AGO1: variants seen among roughly 807,000 people sequenced by gnomAD.
AGO1 encodes argonaute RISC component 1.
AGO1 carries 11 observed loss-of-function variants against 109.2 expected under a neutral mutation model. That is an observed-to-expected ratio of 0.10 (90% CI 0.06 to 0.17). The LOEUF (loss-of-function observed/expected upper bound fraction) is 0.17, where lower values mean the gene tolerates loss of function less well. AGO1 is among the 10% of genes least tolerant of loss of function. The pLI is 1.00. For synonymous variants in AGO1, 422 were observed against 418.6 expected (o/e 1.01, Z -0.10); for missense variants, 574 against 1,140.3 (o/e 0.50, Z 7.15).
upstream of AGO1, among the ~76,000 whole-genome samples, chr1:35,881,084 C>T (rs1279172255): frequency 6.6e-6 from 1 of 152,252 alleles, no homozygotes; most frequent in Non-Finnish European, 1.5e-5. Flanking sequence ...AATGTGCCTA[C>T]TATTACATGT....
intron 3 of AGO1, 91 bp downstream of exon 3, chr1:35,892,768 C>A: frequency 2.0e-6 from 3 of 1,530,470 alleles, no homozygotes; most frequent in Non-Finnish European, 2.7e-6. Context: ...AGATCCTTTT[C>A]ATCTTTTGTG....
chr1:35,893,379 A>G lies in AGO1; in HGVS notation c.512+101A>G. The G allele has an allele frequency of 3.0e-6, 4 of 1,332,392 alleles. No individual in the cohort carries two copies. The highest frequency in any genetic ancestry group is 4.1e-6 in the Non-Finnish European group (4 of 979,604). The allele number at this position is 1,332,392 out of a possible 1,614,324, so 82.5% of individuals were successfully genotyped here. A position where few individuals can be genotyped will look rare whatever the true frequency, so the allele number is the denominator to read the frequency against. On this transcript the variant is annotated intron_variant, in intron 4 of 18. Coordinates refer to ENST00000373204, the MANE Select transcript of AGO1 (RefSeq NM_012199.5). The surrounding 1 kb of genome is among the most constrained non-coding windows in gnomAD (Gnocchi z 5.6). ...AAGGTCCCACAGAGTGCCATTAAAA[A>G]AAAAAATTATTTGAAGCCCTACCAC...
Position 35,915,938 on chromosome 1 carries a change from G to A in AGO1, c.2028+396G>A, listed in dbSNP as rs188457145. 1.2e-4 allele frequency among the ~76,000 whole-genome samples: 18 copies of A among 152,276 alleles called. No homozygotes were observed. The East Asian group carries it at 3.3e-3, about 28-fold the overall frequency. ...TTACAATACTGACAAGTTCTTAGGC[G>A]ATGCTGATAGTCTGGAGACTACATT... On this transcript the variant is annotated intron_variant, in intron 15 of 18. Transcript: ENST00000373204.
intron 12 of AGO1, among the ~76,000 whole-genome samples, chr1:35,913,405 C>A (rs981139731): frequency 6.6e-6 from 1 of 152,204 alleles, no homozygotes; most frequent in Non-Finnish European, 1.5e-5. Flanking sequence ...ACATGCTCCC[C>A]TTGCTCTTCT....
rs1449108893 is a variant in AGO1 at position 35,888,003 on chromosome 1, A to G, written c.26-424A>G. On this transcript the variant is annotated intron_variant, in intron 1 of 18. Coordinates refer to ENST00000373204, the MANE Select transcript of AGO1 (RefSeq NM_012199.5). The surrounding 1 kb of genome is among the most constrained non-coding windows in gnomAD (Gnocchi z 4.1). ...GAACATCAAGGTTATGCCATTTTGT[A>G]TTCAGCATGGTGGCGAATGGAGTGA... 6.6e-6 allele frequency among the ~76,000 whole-genome samples: 1 copy of G among 152,136 alleles called. No individual in the cohort carries two copies. The highest frequency in any genetic ancestry group is 2.4e-5 in the African/African-American group (1 of 41,432).
chr1:35,893,683 T>C lies in AGO1; in HGVS notation c.522T>C (p.Pro174=), dbSNP rs1339623786. ...MRHLASMRYT[P]VGRSFFSPPE... is the part of the protein sequence containing the mutation. ...TGCCTGTCCCTGCCAGGTACACCCC[T>C]GTGGGCCGCTCCTTCTTCTCACCGC... Residue 174 remains proline, a synonymous_variant, in exon 5 of 19, where the codon CCT becomes CCC. Coordinates refer to ENST00000373204, the MANE Select transcript of AGO1 (RefSeq NM_012199.5). This position sits in a 1 kb window ranked among gnomAD's most constrained non-coding sequence, Gnocchi z 5.6. 4 of 1,612,800 alleles carry C rather than the reference T, an allele frequency of 2.5e-6. No homozygotes were observed. In the Admixed American group the frequency reaches 6.7e-5, roughly 27 times the overall value.
In AGO1 at chr1:35,919,678, C is replaced by A; in HGVS notation, c.*71C>A. 1 of 1,446,806 alleles carries A rather than the reference C, an allele frequency of 6.9e-7. No homozygotes were observed. Among genetic ancestry groups the A allele is most frequent in the Non-Finnish European group, 9.5e-7 (1 of 1,053,742 alleles). 89.6% of individuals were successfully genotyped at this position (1,446,806 alleles called of 1,614,324 possible). A position where few individuals can be genotyped will look rare whatever the true frequency, so the allele number is the denominator to read the frequency against. ...CCCCAGGAGCTGTGCCACCCAAATC[C>A]AGAGGAAGCAAGGAGGAGGGAGGTG... On this transcript the variant is annotated 3_prime_UTR_variant, in exon 19 of 19. Transcript: ENST00000373204. The surrounding 1 kb of genome is among the most constrained non-coding windows in gnomAD (Gnocchi z 6.6).
chr1:35,902,881 G>A (rs1645444484), intron 11 of AGO1, among the ~76,000 whole-genome samples: 2 of 152,138 alleles, frequency 1.3e-5, no homozygotes, highest in African/African-American at 4.8e-5. Flanking sequence ...GGTTGTCAGG[G>A]CCTCTGTGCC....
intron 16 of AGO1, among the ~76,000 whole-genome samples, chr1:35,918,073 A>G (rs1296510674): frequency 6.6e-6 from 1 of 152,170 alleles, no homozygotes; most frequent in Non-Finnish European, 1.5e-5. Context: ...CCTGTGAGGT[A>G]CGTATTATTA....
rs1037409376 is a variant in AGO1, at chr1:35,929,042, T to C, written c.*9435T>C. ...ATCCAACAAATATACTGAATGCTGC[T>C]ATGTGCCAGGTACTGGCACTGTTCT... On this transcript the variant is annotated 3_prime_UTR_variant, in exon 19 of 19. Transcript: ENST00000373204. The C allele has an allele frequency of 2.0e-5, 3 of 152,278 alleles. No individual in the cohort carries two copies. The highest frequency in any genetic ancestry group is 7.2e-5 in the African/African-American group (3 of 41,474). 9.4% of individuals were successfully genotyped at this position (152,278 alleles called of 1,614,324 possible). A position where few individuals can be genotyped will look rare whatever the true frequency, so the allele number is the denominator to read the frequency against.
At chr1:35,918,853 G>A (rs936933567) in intron 17 of AGO1, among the ~76,000 whole-genome samples, 1 of 152,188 alleles carries the variant, frequency 6.6e-6, no homozygotes, top group African/African-American at 2.4e-5. Flanking sequence ...ACTGTGCCCG[G>A]CCAGGACTGC....
At position 35,894,119 on chromosome 1, in the gene AGO1, G is replaced by A; in HGVS notation, c.732G>A (p.Gln244=). Residue 244 remains glutamine, a synonymous_variant, in exon 6 of 19, where the codon CAG becomes CAA. Transcript: ENST00000373204. ...EVLDIRNIDE[Q]PKPLTDSQRV... is the part of the protein sequence containing the mutation. ...TGGACATCAGGAACATAGATGAGCA[G>A]CCCAAGCCCCTCACGGACTCTCAGC... The A allele has an allele frequency of 1.3e-6, 2 of 1,590,050 alleles. No individual in the cohort carries two copies. Among genetic ancestry groups the A allele is most frequent in the Non-Finnish European group, 1.7e-6 (2 of 1,168,566 alleles).
chr1:35,880,389 A>G (rs1387176822), upstream of AGO1, among the ~76,000 whole-genome samples: 3 of 152,086 alleles, frequency 2.0e-5, no homozygotes, highest in Non-Finnish European at 2.9e-5. Context: ...CATCTCTACA[A>G]TAAGTAAGTA....
In AGO1 at chr1:35,919,880, C is replaced by T. The variant is rs181957464; in HGVS notation, c.*273C>T. ...GACCCCACTGGACCAAAAGGGGCAG[C>T]ACTGGTGCCCACCATACACACAGGT... is the stretch of plus-strand genomic sequence containing the variant. On this transcript the variant is annotated 3_prime_UTR_variant, in exon 19 of 19. Transcript: ENST00000373204. This position sits in a 1 kb window ranked among gnomAD's most constrained non-coding sequence, Gnocchi z 6.6. 5.5e-5 allele frequency: 24 copies of T among 433,028 alleles called. No homozygotes were observed. Among genetic ancestry groups the T allele is most frequent in the African/African-American group, 4.5e-4 (23 of 50,856 alleles). 26.8% of individuals were successfully genotyped at this position (433,028 alleles called of 1,614,324 possible). A position where few individuals can be genotyped will look rare whatever the true frequency, so the allele number is the denominator to read the frequency against.
Position 35,901,805 on chromosome 1 carries a change from C to A in AGO1, c.1141-143C>A. On this transcript the variant is annotated intron_variant, in intron 9 of 18. Coordinates refer to ENST00000373204, the MANE Select transcript of AGO1 (RefSeq NM_012199.5). The surrounding 1 kb of genome is among the most constrained non-coding windows in gnomAD (Gnocchi z 4.8). ...CTTTGCTGTGTTATTCCCTCACTTC[C>A]CTCATCTTCCACTTTCTCTCTCTTT... 7.5e-7 allele frequency: 1 copy of A among 1,333,404 alleles called. No homozygotes were observed. Among genetic ancestry groups the A allele is most frequent in the Admixed American group, 2.4e-5 (1 of 42,540 alleles). The allele number at this position is 1,333,404 out of a possible 1,614,324, so 82.6% of individuals were successfully genotyped here. A position where few individuals can be genotyped will look rare whatever the true frequency, so the allele number is the denominator to read the frequency against.
intron 7 of AGO1, among the ~76,000 whole-genome samples, chr1:35,894,656 T>A (rs1645286807): frequency 6.6e-6 from 1 of 152,224 alleles, no homozygotes; most frequent in African/African-American, 2.4e-5. Context: ...GTGTGTTCTC[T>A]GATTCCTGTT....
At chr1:35,914,882 T>A (rs1645707293) in intron 14 of AGO1, among the ~76,000 whole-genome samples, 1 of 152,200 alleles carries the variant, frequency 6.6e-6, no homozygotes, top group African/African-American at 2.4e-5. Flanking sequence ...GGCTGCTGTC[T>A]CCTTTGTAAA....
chr1:35,911,478 A>T (rs1298033626), intron 12 of AGO1, among the ~76,000 whole-genome samples: 4 of 152,052 alleles, frequency 2.6e-5, no homozygotes, highest in Non-Finnish European at 5.9e-5. Flanking sequence ...ACTGCAGAAG[A>T]TAGCTCACCT....
In AGO1 at chr1:35,922,721, C is replaced by T. The variant is rs1463077268; in HGVS notation, c.*3114C>T. 6.6e-6 allele frequency: 1 copy of T among 152,406 alleles called. No homozygotes were observed. The highest frequency in any genetic ancestry group is 1.5e-5 in the Non-Finnish European group (1 of 68,194). The allele number at this position is 152,406 out of a possible 1,614,324, so 9.4% of individuals were successfully genotyped here. Reference sequence around the variant, plus strand: ...GGCTTAGCTCCTTGACTGCAGAAGACCAAGAACCTGTTCCCCAAGCCCAGA... The same window carrying T: ...GGCTTAGCTCCTTGACTGCAGAAGATCAAGAACCTGTTCCCCAAGCCCAGA... On this transcript the variant is annotated 3_prime_UTR_variant, in exon 19 of 19. Transcript: ENST00000373204.
Sources: allele counts gnomAD v4.1 joint callset (sites outside exome capture counted in the v4.1 genomes callset), GRCh38; gene constraint gnomAD v4.1.1; non-coding constraint Gnocchi (gnomAD v3.1); transcripts MANE v1.5; gene names NCBI Gene and HGNC (gene_info 2026-07-23, HGNC 2026-07-21).